Variants in TCF12 observed in about 807,000 individuals in gnomAD.
TCF12 encodes the protein DNA-binding protein HTF4.
Under a neutral mutation model 86.0 loss-of-function variants are expected in TCF12, and 45 were observed. The observed-to-expected ratio is 0.52, with a 90% CI of 0.41 to 0.67. The LOEUF is 0.67. Ranked by LOEUF, TCF12 falls within the 30% of genes least tolerant of loss-of-function variation. The probability of loss-of-function intolerance (pLI) is 0.00; values close to 1 mark genes in which losing one functional copy is unlikely to be tolerated. For missense variants in TCF12, 881 were observed against 859.9 expected (o/e 1.02, Z -0.31); for synonymous variants, 330 against 299.6 (o/e 1.10, Z -1.05).
intron 6 of TCF12, among the ~76,000 whole-genome samples, chr15:57,166,930 C>T (rs1169015870): frequency 1.3e-5 from 2 of 152,176 alleles, no homozygotes; most frequent in Non-Finnish European, 2.9e-5. Context: ...TCGACTCTCC[C>T]ACCTTCTCTA....
chr15:57,062,217 A>G (rs2703577), intron 3 of TCF12, among the ~76,000 whole-genome samples: 79,526 of 151,752 alleles, frequency 0.52, 21,662 homozygotes, highest in Admixed American at 0.6. Flanking sequence ...CGGCCTCCCA[A>G]AGTGCTAGGA....
chr15:57,138,057 C>T (rs934453967), intron 5 of TCF12, among the ~76,000 whole-genome samples: 2 of 151,924 alleles, frequency 1.3e-5, no homozygotes, highest in African/African-American at 4.8e-5. Flanking sequence ...TAAAGTATTA[C>T]CACCAGTTCT....
intron 3 of TCF12, among the ~76,000 whole-genome samples, chr15:57,028,744 G>C (rs2065969328): frequency 1.3e-5 from 2 of 152,094 alleles, no homozygotes; most frequent in Middle Eastern, 3.4e-3. Context: ...GCAAAATTGT[G>C]AAGAATTTTT....
At chr15:56,951,169 T>C (rs1391926394) in intron 3 of TCF12, among the ~76,000 whole-genome samples, 3 of 152,204 alleles carry the variant, frequency 2.0e-5, no homozygotes, top group Non-Finnish European at 4.4e-5. Flanking sequence ...CCACTTATAG[T>C]GTATGAGAAT....
intron 3 of TCF12, among the ~76,000 whole-genome samples, chr15:56,940,532 CCTT>C (rs1319635850): frequency 3.7e-4 from 53 of 141,568 alleles, no homozygotes; most frequent in Non-Finnish European, 5.7e-4. Flanking sequence ...TTCTTCTTCT[CCTT>C]CTTCTCCTTC....
chr15:57,050,664 C>A (rs1245882280), intron 3 of TCF12, among the ~76,000 whole-genome samples: 1 of 152,006 alleles, frequency 6.6e-6, no homozygotes, highest in Non-Finnish European at 1.5e-5. Context: ...GCATTTAGAC[C>A]ATTTAATGCT....
intron 3 of TCF12, among the ~76,000 whole-genome samples, chr15:57,032,468 A>G (rs2066256844): frequency 6.6e-6 from 1 of 152,182 alleles, no homozygotes; most frequent in Admixed American, 6.5e-5. Context: ...TAACTCTTTC[A>G]TACAGGCTGG....
At chr15:56,969,936 T>C (rs566578485) in intron 3 of TCF12, among the ~76,000 whole-genome samples, 1 of 152,194 alleles carries the variant, frequency 6.6e-6, no homozygotes, top group African/African-American at 2.4e-5. Flanking sequence ...TCCAGACATA[T>C]AGGCAACCTA....
At chr15:56,930,063 G>C (rs2060177943) in intron 3 of TCF12, among the ~76,000 whole-genome samples, 1 of 152,134 alleles carries the variant, frequency 6.6e-6, no homozygotes, top group African/African-American at 2.4e-5. Context: ...TCACTTCATT[G>C]GTAGCTGATA....
chr15:56,955,858 T>C (rs1246118208), intron 3 of TCF12, among the ~76,000 whole-genome samples: 1 of 152,222 alleles, frequency 6.6e-6, no homozygotes, highest in Non-Finnish European at 1.5e-5. Flanking sequence ...GAATTGTGAA[T>C]TTTGTATTTA....
chr15:57,267,185 A>T (rs1312257762), intron 18 of TCF12, among the ~76,000 whole-genome samples: 2 of 152,178 alleles, frequency 1.3e-5, no homozygotes, highest in African/African-American at 4.8e-5. Context: ...TTATGGTGCA[A>T]TGAGGATGGT....
At chr15:57,099,426 T>C (rs540711033) in intron 5 of TCF12, among the ~76,000 whole-genome samples, 13 of 152,084 alleles carry the variant, frequency 8.5e-5, no homozygotes, top group African/African-American at 2.9e-4. Context: ...TCAGAAAATA[T>C]AGGGAAAAAA....
chr15:57,125,585 A>G (rs1255035503), intron 5 of TCF12, among the ~76,000 whole-genome samples: 2 of 152,234 alleles, frequency 1.3e-5, no homozygotes, highest in African/African-American at 4.8e-5. Flanking sequence ...AGCCATGGTA[A>G]TGGGCTAGTT....
At chr15:57,023,204 G>C (rs2065604417) in intron 3 of TCF12, among the ~76,000 whole-genome samples, 1 of 152,148 alleles carries the variant, frequency 6.6e-6, no homozygotes, top group Non-Finnish European at 1.5e-5. Flanking sequence ...GTTTCATAGA[G>C]ATTATTTTTT....
At chr15:57,033,608 C>T (rs2141371460) in intron 3 of TCF12, among the ~76,000 whole-genome samples, 1 of 152,222 alleles carries the variant, frequency 6.6e-6, no homozygotes, top group Non-Finnish European at 1.5e-5. Flanking sequence ...ATTTTCTAAG[C>T]TGTAGAAATG....
intron 3 of TCF12, among the ~76,000 whole-genome samples, chr15:57,030,664 C>T (rs1341525974): frequency 6.6e-6 from 1 of 152,156 alleles, no homozygotes; most frequent in Non-Finnish European, 1.5e-5. Flanking sequence ...AACTCAAACA[C>T]TATAGAAATT....
intron 2 of TCF12, among the ~76,000 whole-genome samples, chr15:56,920,379 C>CA (rs2059729243): frequency 6.6e-6 from 1 of 151,886 alleles, no homozygotes; most frequent in Non-Finnish European, 1.5e-5. Flanking sequence ...TCTCCAGTAT[C>CA]AGATGTAGTT....
At chr15:57,008,198 C>A (rs2064588926) in intron 3 of TCF12, among the ~76,000 whole-genome samples, 1 of 150,952 alleles carries the variant, frequency 6.6e-6, no homozygotes, top group Non-Finnish European at 1.5e-5. Context: ...GTACTCCTGG[C>A]ATCAAACATC....
At chr15:57,155,654 A>T (rs1205842257) in intron 5 of TCF12, among the ~76,000 whole-genome samples, 1 of 152,118 alleles carries the variant, frequency 6.6e-6, no homozygotes, top group Non-Finnish European at 1.5e-5. Flanking sequence ...AAATTAACCT[A>T]TGTGGGTGTG....
Sources: allele counts gnomAD v4.1 joint callset (sites outside exome capture counted in the v4.1 genomes callset), GRCh38; gene constraint gnomAD v4.1.1; transcripts MANE v1.5; gene names NCBI Gene and HGNC (gene_info 2026-07-23, HGNC 2026-07-21).